Variants in CHODL observed in about 807,000 individuals in gnomAD.
CHODL encodes chondrolectin.
CHODL carries 29 observed loss-of-function variants against 34.5 expected under a neutral mutation model. The observed-to-expected ratio is 0.84, with a 90% CI of 0.63 to 1.15. The LOEUF (loss-of-function observed/expected upper bound fraction) is 1.15. CHODL is among the 50% of genes most tolerant of loss of function. The pLI is 0.00. For missense variants in CHODL, 332 were observed against 332.5 expected (o/e 1.00, Z 0.01); for synonymous variants, 125 against 116.1 (o/e 1.08, Z -0.49).
At chr21:18,250,603 G>A (rs1385511953) in intron 1 of CHODL, among the ~76,000 whole-genome samples, 1 of 151,818 alleles carries the variant, frequency 6.6e-6, no homozygotes, top group Non-Finnish European at 1.5e-5. Context: ...TAAGAAGTTG[G>A]TGTAACATTG....
At position 18,245,264 on chromosome 21, in the gene CHODL, T is replaced by G; in HGVS notation, c.41T>G (p.Leu14Arg). ...TCGCTGCTGCTGGGCGCCGCGCTGC[T>G]CTGCGGCCACGGAGCCTTCTGCCGC... The part of the protein sequence containing the change: ...VVSLLLGAAL[L>R]CGHGAFCRRV... The change falls in exon 1 of 6, where the codon CTC becomes CGC. Residue 14 changes from leucine (L) to arginine (R), a missense_variant. Transcript: ENST00000299295. The G allele has an allele frequency of 6.6e-7, 1 of 1,525,082 alleles. No homozygotes were observed. The highest frequency in any genetic ancestry group is 8.8e-7 in the Non-Finnish European group (1 of 1,142,842). The allele number at this position is 1,525,082 out of a possible 1,614,324, so 94.5% of individuals were successfully genotyped here.
intron 2 of CHODL, among the ~76,000 whole-genome samples, chr21:18,032,410 C>G (rs140004117): frequency 3.9e-5 from 6 of 152,062 alleles, no homozygotes; most frequent in Admixed American, 1.3e-4. Context: ...CAATAAAGTT[C>G]TGAAGGGGAG....
chr21:18,128,344 AGAAGAAG>A (rs2072607107), intron 2 of CHODL, among the ~76,000 whole-genome samples: 1 of 133,588 alleles, frequency 7.5e-6, no homozygotes, highest in Non-Finnish European at 1.6e-5. Context: ...AAAAAAAAGA[AGAAGAAG>A]AAGAAGAACC....
At chr21:18,108,873 T>G (rs983241637) in intron 2 of CHODL, among the ~76,000 whole-genome samples, 11 of 133,914 alleles carry the variant, frequency 8.2e-5, no homozygotes, top group Admixed American at 2.9e-4. Context: ...GTGTGTGTGT[T>G]TCTTCTAACT....
intron 4 of CHODL, among the ~76,000 whole-genome samples, chr21:18,261,228 A>G (rs1322451877): frequency 6.6e-6 from 1 of 152,164 alleles, no homozygotes; most frequent in Non-Finnish European, 1.5e-5. Context: ...TTTTGCATAG[A>G]CATGATATTA....
At chr21:17,975,723 A>G (rs909660363) in intron 1 of CHODL, among the ~76,000 whole-genome samples, 1 of 152,054 alleles carries the variant, frequency 6.6e-6, no homozygotes, top group East Asian at 1.9e-4. Flanking sequence ...GTCCTCTTAA[A>G]TGTGGTTTCC....
chr21:17,922,183 C>A (rs1415143635), intron 1 of CHODL, among the ~76,000 whole-genome samples: 4 of 151,582 alleles, frequency 2.6e-5, no homozygotes, highest in Non-Finnish European at 4.4e-5. Flanking sequence ...AGGTGATATA[C>A]CAAGTGGGCC....
chr21:17,981,481 G>A (rs1289316810), intron 1 of CHODL, among the ~76,000 whole-genome samples: 1 of 152,092 alleles, frequency 6.6e-6, no homozygotes, highest in South Asian at 2.1e-4. Context: ...GACAGCTGAG[G>A]CCTCCAAACT....
intron 1 of CHODL, among the ~76,000 whole-genome samples, chr21:17,969,163 T>A (rs1453596455): frequency 1.3e-5 from 2 of 152,220 alleles, no homozygotes; most frequent in Non-Finnish European, 2.9e-5. Flanking sequence ...TTTCTTCTCA[T>A]ATTCACTTTA....
At chr21:18,243,656 T>TG (rs1351485199), upstream of CHODL, among the ~76,000 whole-genome samples, 6 of 152,038 alleles carry the variant, frequency 3.9e-5, no homozygotes, top group African/African-American at 9.7e-5. Flanking sequence ...CTGGAATAGC[T>TG]GGGACTCCAG....
At chr21:18,058,126 CT>C (rs752352532) in intron 2 of CHODL, among the ~76,000 whole-genome samples, 4 of 152,056 alleles carry the variant, frequency 2.6e-5, no homozygotes, top group East Asian at 1.9e-4. Flanking sequence ...TTTTCCTCCC[CT>C]ATCCACTATC....
chr21:17,927,294 G>T (rs1314661237), intron 1 of CHODL, among the ~76,000 whole-genome samples: 1 of 149,282 alleles, frequency 6.7e-6, no homozygotes, highest in Non-Finnish European at 1.5e-5. Flanking sequence ...ATATACCCCT[G>T]CCCACACGTA....
At position 17,988,768 on chromosome 21, in the gene CHODL, T is replaced by C. The variant is rs371316755; in HGVS notation, c.-144-39104T>C. ...GCTGCATAGTATTCCATGGTGTATA[T>C]GTGCCACATTTTCTTAATCCAGTCT... is the stretch of plus-strand genomic sequence containing the variant. On this transcript the variant is annotated intron_variant, in intron 1 of 6. Coordinates refer to the CHODL transcript ENST00000400127. 9.9e-5 allele frequency among the ~76,000 whole-genome samples: 15 copies of C among 151,834 alleles called. No individual in the cohort carries two copies. The East Asian group carries it at 2.9e-3, about 29-fold the overall frequency.
At chr21:18,185,459 C>A (rs1352111289) in intron 2 of CHODL, among the ~76,000 whole-genome samples, 1 of 152,122 alleles carries the variant, frequency 6.6e-6, no homozygotes, top group Non-Finnish European at 1.5e-5. Context: ...TCTTTTCTAC[C>A]TGTGAACACT....
chr21:18,129,643 C>A (rs1339292162), intron 2 of CHODL, among the ~76,000 whole-genome samples: 1 of 152,076 alleles, frequency 6.6e-6, no homozygotes, highest in Non-Finnish European at 1.5e-5. Context: ...TTCAACAGAT[C>A]CTCAACTAAA....
chr21:18,145,435 C>CAAA (rs10671177), intron 2 of CHODL, among the ~76,000 whole-genome samples: 1,576 of 60,690 alleles, frequency 0.026, 307 homozygotes, highest in African/African-American at 0.068. Flanking sequence ...GACTACCTTT[C>CAAA]AAAAAAAAAA....
rs140255661 is a variant in CHODL at position 17,931,146 on chromosome 21, C to G, written c.-145+13746C>G. On this transcript the variant is annotated intron_variant, in intron 1 of 6. Coordinates refer to the CHODL transcript ENST00000400127. ...GCTCCCTCAGTCACTCCCGTCAGAG[C>G]TGGTGCCTGTGCTCCTCATTGAAGT... is the stretch of plus-strand genomic sequence containing the variant. 7.8e-4 allele frequency among the ~76,000 whole-genome samples: 119 copies of G among 152,318 alleles called. 1 individual carries two copies. In the East Asian group the frequency reaches 0.021, roughly 27 times the overall value.
chr21:17,945,484 A>G (rs2063399840), intron 1 of CHODL, among the ~76,000 whole-genome samples: 1 of 152,226 alleles, frequency 6.6e-6, no homozygotes, highest in South Asian at 2.1e-4. Flanking sequence ...TAGAAAGTTT[A>G]AACAGCAGAA....
intron 1 of CHODL, among the ~76,000 whole-genome samples, chr21:17,951,535 G>C (rs760212380): frequency 1.4e-5 from 2 of 145,438 alleles, no homozygotes; most frequent in Non-Finnish European, 3.1e-5. Flanking sequence ...CACACAAACA[G>C]ACACACACAC....
Sources: allele counts gnomAD v4.1 joint callset (sites outside exome capture counted in the v4.1 genomes callset), GRCh38; gene constraint gnomAD v4.1.1; transcripts MANE v1.5; gene names NCBI Gene and HGNC (gene_info 2026-07-23, HGNC 2026-07-21).